Variants in ESF1 observed in about 807,000 individuals in gnomAD.
ESF1 encodes the protein ESF1 nucleolar pre-rRNA processing protein.
ESF1 carries 58 observed loss-of-function variants against 92.0 expected under a neutral mutation model. The observed-to-expected ratio is 0.63, with a 90% CI of 0.51 to 0.78. The LOEUF is 0.78. Among genes scored for constraint, ESF1 ranks in the 30% least tolerant of loss-of-function variants. The pLI is 0.00. For synonymous variants in ESF1, 321 were observed against 313.7 expected (o/e 1.02, Z -0.24); for missense variants, 922 against 989.1 (o/e 0.93, Z 0.91).
chr20:13,782,740 G>C lies in ESF1; in HGVS notation c.401C>G (p.Ser134Cys). Residue 134 changes from serine to cysteine, a missense_variant, in exon 2 of 14, where the codon TCT becomes TGT. Physicochemically the swap from Ser to Cys is moderately radical, Grantham distance 112. Coordinates refer to ENST00000617257, the MANE Select transcript of ESF1 (RefSeq NM_001276380.2). Reference protein sequence around the residue: ...GSENKTDLDNSIGIKKMKTSC... With the variant: ...GSENKTDLDNCIGIKKMKTSC... ...GGTTTTCATTTTTTTAATTCCTATA[G>C]AATTATCTAAATCAGTTTTATTTTC... 3.1e-6 allele frequency: 5 copies of C among 1,593,722 alleles called. No homozygotes were observed. The highest frequency in any genetic ancestry group is 4.3e-6 in the Non-Finnish European group (5 of 1,174,212).
chr20:13,742,173 C>A (rs929140487), intron 9 of ESF1, among the ~76,000 whole-genome samples: 1 of 152,054 alleles, frequency 6.6e-6, no homozygotes, highest in Admixed American at 6.6e-5. Context: ...TCGAGACCAG[C>A]GTGGCCAATG....
At chr20:13,772,066 T>G (rs918724167) in intron 5 of ESF1, among the ~76,000 whole-genome samples, 9 of 151,810 alleles carry the variant, frequency 5.9e-5, no homozygotes, top group African/African-American at 2.2e-4. Flanking sequence ...AAAACTATCT[T>G]AAATTATTTT....
chr20:13,763,971 A>G (rs1015689263), intron 8 of ESF1, among the ~76,000 whole-genome samples: 1 of 152,230 alleles, frequency 6.6e-6, no homozygotes, highest in East Asian at 1.9e-4. Flanking sequence ...CAGTGTCTTC[A>G]GGAGTCTAAA....
rs941220092 is a variant in ESF1 at position 13,715,287 on chromosome 20, G to A, written c.2263-120C>T. The A allele has an allele frequency of 4.1e-6, 4 of 984,184 alleles. No individual in the cohort carries two copies. The African/African-American group carries it at 4.9e-5, about 12-fold the overall frequency. 61.0% of individuals were successfully genotyped at this position (984,184 alleles called of 1,614,324 possible). A position where few individuals can be genotyped will look rare whatever the true frequency, so the allele number is the denominator to read the frequency against. ...AGTTGATTATATAAAATACAAACCT[G>A]AGTGTTTGTACTGATTCATTAGGAA... On this transcript the variant is annotated intron_variant, in intron 13 of 13. Coordinates refer to ENST00000617257, the MANE Select transcript of ESF1 (RefSeq NM_001276380.2).
intron 13 of ESF1, among the ~76,000 whole-genome samples, chr20:13,716,493 T>C (rs942167406): frequency 9.2e-5 from 14 of 152,142 alleles, no homozygotes; most frequent in Non-Finnish European, 2.9e-5. Context: ...ACAATATGGC[T>C]ACCAAAATAC....
chr20:13,743,850 G>T (rs1205047788), intron 9 of ESF1, among the ~76,000 whole-genome samples: 1 of 152,166 alleles, frequency 6.6e-6, no homozygotes, highest in African/African-American at 2.4e-5. Flanking sequence ...ATTACACAAT[G>T]AATATGTATA....
chr20:13,746,793 T>C (rs1227167778), intron 9 of ESF1, among the ~76,000 whole-genome samples: 1 of 152,250 alleles, frequency 6.6e-6, no homozygotes, highest in African/African-American at 2.4e-5. Context: ...CATTCCAATA[T>C]TTAAAAACAT....
In ESF1 at chr20:13,723,567, A is replaced by C. The variant is rs941956397; in HGVS notation, c.2039-4583T>G. Reference sequence around the variant, plus strand: ...AATTTAGAAGGAAATCAAAGAAAAAATTATAAAAGATAGAAGAAAAAATTA... The same window carrying C: ...AATTTAGAAGGAAATCAAAGAAAAACTTATAAAAGATAGAAGAAAAAATTA... On this transcript the variant is annotated intron_variant, in intron 11 of 13. Coordinates refer to ENST00000617257, the MANE Select transcript of ESF1 (RefSeq NM_001276380.2). Among the ~76,000 whole-genome samples, 6 of 139,870 alleles carry C rather than the reference A, an allele frequency of 4.3e-5. No homozygotes were observed. The Admixed American group carries it at 4.3e-4, about 10-fold the overall frequency. 91.8% of individuals were successfully genotyped at this position (139,870 alleles called of 152,430 possible). A position where few individuals can be genotyped will look rare whatever the true frequency, so the allele number is the denominator to read the frequency against.
In ESF1 at chr20:13,772,623, GA is replaced by G. The variant is rs1568727871; in HGVS notation, c.1150-9del. The G allele has an allele frequency of 2.6e-6, 4 of 1,567,490 alleles. No individual in the cohort carries two copies. The highest frequency in any genetic ancestry group is 2.6e-6 in the Non-Finnish European group (3 of 1,140,316). On this transcript the variant is annotated splice_polypyrimidine_tract_variant and intron_variant, in intron 4 of 13. Coordinates refer to ENST00000617257, the MANE Select transcript of ESF1 (RefSeq NM_001276380.2). ...AAATTCTGAAGGATATATCTAAACA[GA>G]AAAAAATAGGATCAATGTAATTTGT...
rs1331098586 is a variant in ESF1 at position 13,748,592 on chromosome 20, A to ATAT, written c.1828+11099_1828+11100insATA. ...TGTGTGTGTATATATATATATATAT[A>ATAT]TTTTTTTTTTTTTGAGATGGAGTGT... On this transcript the variant is annotated intron_variant, in intron 9 of 13. Transcript: ENST00000617257. Among the ~76,000 whole-genome samples, 178 of 95,716 alleles carry ATAT rather than the reference A, an allele frequency of 1.9e-3. 1 individual carries two copies. The highest frequency in any genetic ancestry group is 0.011 in the African/African-American group (171 of 15,540). 62.8% of individuals were successfully genotyped at this position (95,716 alleles called of 152,430 possible).
intron 9 of ESF1, among the ~76,000 whole-genome samples, chr20:13,735,362 A>C (rs1480705637): frequency 1.3e-5 from 2 of 152,150 alleles, no homozygotes; most frequent in East Asian, 3.8e-4. Context: ...TGCTGTTAGG[A>C]TCTCTAACTT....
Position 13,720,899 on chromosome 20 carries a change from T to C in ESF1, c.2039-1915A>G, listed in dbSNP as rs149229262. On this transcript the variant is annotated intron_variant, in intron 11 of 13. Coordinates refer to ENST00000617257, the MANE Select transcript of ESF1 (RefSeq NM_001276380.2). The stretch of plus-strand genomic sequence containing the variant: ...ACTTCGGGAGGCCGAGGTGGGTGGA[T>C]CACCTGAGGTCAGGAGTTTGAGACC... 9.7e-4 allele frequency among the ~76,000 whole-genome samples: 147 copies of C among 152,314 alleles called. 1 individual carries two copies. The highest frequency in any genetic ancestry group is 3.1e-3 in the African/African-American group (129 of 41,568).
intron 9 of ESF1, among the ~76,000 whole-genome samples, chr20:13,754,086 T>C (rs1318921252): frequency 6.6e-6 from 1 of 151,972 alleles, no homozygotes; most frequent in Non-Finnish European, 1.5e-5. Flanking sequence ...AGAAAAAGAG[T>C]TGCCTCTACT....
chr20:13,750,042 T>C (rs1978558337), intron 9 of ESF1, among the ~76,000 whole-genome samples: 1 of 152,204 alleles, frequency 6.6e-6, no homozygotes, highest in Non-Finnish European at 1.5e-5. Flanking sequence ...CAGACCTCAA[T>C]TCCGAAAATT....
intron 8 of ESF1, among the ~76,000 whole-genome samples, chr20:13,764,899 G>A (rs749934750): frequency 2.7e-5 from 4 of 150,238 alleles, no homozygotes; most frequent in East Asian, 2.0e-4. Flanking sequence ...ACTGTACGCC[G>A]TTAATCATTT....
intron 8 of ESF1, among the ~76,000 whole-genome samples, chr20:13,763,444 A>G (rs1979295759): frequency 6.6e-6 from 1 of 152,266 alleles, no homozygotes; most frequent in African/African-American, 2.4e-5. Flanking sequence ...AGTTCTCCCA[A>G]AACAGAAATC....
chr20:13,748,616 G>A (rs1325858386), intron 9 of ESF1, among the ~76,000 whole-genome samples: 2 of 137,150 alleles, frequency 1.5e-5, no homozygotes, highest in Non-Finnish European at 3.1e-5. Context: ...GAGATGGAGT[G>A]TTGCTCTGTT....
At chr20:13,748,419 T>TACATATACACATATATAC (rs1555823468) in intron 9 of ESF1, among the ~76,000 whole-genome samples, 56 of 149,628 alleles carry the variant, frequency 3.7e-4, no homozygotes, top group African/African-American at 1.2e-3. Context: ...CACATATATA[T>TACATATACACATATATAC]ACATATACAC....
At chr20:13,734,985 A>C (rs1439669234) in intron 9 of ESF1, among the ~76,000 whole-genome samples, 2 of 152,110 alleles carry the variant, frequency 1.3e-5, no homozygotes, top group Admixed American at 1.3e-4. Context: ...ATACATCTAA[A>C]ATGCTAGTTT....
Sources: allele counts gnomAD v4.1 joint callset (sites outside exome capture counted in the v4.1 genomes callset), GRCh38; gene constraint gnomAD v4.1.1; transcripts MANE v1.5; gene names NCBI Gene and HGNC (gene_info 2026-07-23, HGNC 2026-07-21).